NPAS3: variants seen among roughly 807,000 people sequenced by gnomAD.
The protein encoded by NPAS3 is neuronal PAS domain-containing protein 3.
A neutral mutation model predicts 73.1 loss-of-function variants in NPAS3; 14 were observed. The observed-to-expected ratio is 0.19, with a 90% CI of 0.13 to 0.30. The LOEUF (loss-of-function observed/expected upper bound fraction) is 0.30. Among genes scored for constraint, NPAS3 ranks in the 10% least tolerant of loss-of-function variants. The pLI is 1.00. For missense variants in NPAS3, 1,096 were observed against 1,250.0 expected, an observed-to-expected ratio of 0.88 and a Z score of 1.86; for synonymous variants, 620 against 541.5, an observed-to-expected ratio of 1.14 and a Z score of -2.01.
intron 3 of NPAS3, among the ~76,000 whole-genome samples, chr14:33,243,272 T>C (rs1050872145): frequency 5.9e-5 from 9 of 152,148 alleles, no homozygotes; most frequent in Non-Finnish European, 1.3e-4. Flanking sequence ...GAGAGAATAA[T>C]GCAAACTGGG....
chr14:33,607,416 A>G (rs1309686551), intron 5 of NPAS3, among the ~76,000 whole-genome samples: 1 of 152,214 alleles, frequency 6.6e-6, no homozygotes, highest in East Asian at 1.9e-4. Context: ...CCAAAAAAAA[A>G]AAAAGAGTGA....
At chr14:33,537,649 G>T (rs1028058033) in intron 4 of NPAS3, among the ~76,000 whole-genome samples, 1 of 152,160 alleles carries the variant, frequency 6.6e-6, no homozygotes, top group African/African-American at 2.4e-5. Context: ...AGGTAGTTGA[G>T]AAAAATAAGC....
At position 33,199,402 on chromosome 14, in the gene NPAS3, A is replaced by G. The variant is rs76988315; in HGVS notation, c.141-15780A>G. On this transcript the variant is annotated intron_variant, in intron 2 of 11. Coordinates refer to ENST00000356141, the Ensembl canonical transcript of NPAS3. ...TTTACAAAAATTTCCTCCTGTCCCT[A>G]TTGTATGGTTCTTCCATGTAGGCAG... is the stretch of plus-strand genomic sequence containing the variant. 1.8e-4 allele frequency among the ~76,000 whole-genome samples: 27 copies of G among 152,170 alleles called. No individual in the cohort carries two copies. The East Asian group carries it at 5.0e-3, about 28-fold the overall frequency.
At chr14:33,475,777 A>G (rs1225120643) in intron 4 of NPAS3, among the ~76,000 whole-genome samples, 1 of 152,096 alleles carries the variant, frequency 6.6e-6, no homozygotes, top group Non-Finnish European at 1.5e-5. Context: ...TGAATGGGAG[A>G]GAAAACAATG....
At chr14:33,533,311 G>T (rs920912294) in intron 4 of NPAS3, among the ~76,000 whole-genome samples, 3 of 152,038 alleles carry the variant, frequency 2.0e-5, no homozygotes, top group African/African-American at 7.2e-5. Flanking sequence ...TCAACAAGAA[G>T]ACAAACATGC....
At chr14:33,059,249 C>A (rs2041002444) in intron 2 of NPAS3, among the ~76,000 whole-genome samples, 2 of 152,114 alleles carry the variant, frequency 1.3e-5, no homozygotes, top group Non-Finnish European at 2.9e-5. Context: ...ACATTATTTT[C>A]TATGTTGCAT....
chr14:33,586,845 A>G (rs1278152460), intron 5 of NPAS3, among the ~76,000 whole-genome samples: 1 of 152,212 alleles, frequency 6.6e-6, no homozygotes. Flanking sequence ...ACCTGTACTT[A>G]AGTGGATATC....
chr14:33,687,785 G>A (rs941098648), intron 6 of NPAS3, among the ~76,000 whole-genome samples: 1 of 152,112 alleles, frequency 6.6e-6, no homozygotes, highest in African/African-American at 2.4e-5. Context: ...TATTATGAAT[G>A]CATGCGCCAG....
At chr14:33,750,097 G>GA (rs1365796566) in intron 7 of NPAS3, among the ~76,000 whole-genome samples, 1 of 151,734 alleles carries the variant, frequency 6.6e-6, no homozygotes, top group East Asian at 1.9e-4. Context: ...TTCCTGCTTA[G>GA]AAAAAAAATT....
intron 4 of NPAS3, among the ~76,000 whole-genome samples, chr14:33,417,443 G>A (rs1355145216): frequency 2.6e-5 from 4 of 152,140 alleles, no homozygotes; most frequent in Admixed American, 6.6e-5. Context: ...ACAGGGTGTC[G>A]TTATTGTGAA....
chr14:33,319,036 G>A (rs1409546398), intron 3 of NPAS3, among the ~76,000 whole-genome samples: 1 of 152,104 alleles, frequency 6.6e-6, no homozygotes, highest in Non-Finnish European at 1.5e-5. Context: ...TTTCCTGTTA[G>A]TCTTACCTGA....
chr14:33,402,414 T>G (rs968522095), intron 4 of NPAS3, among the ~76,000 whole-genome samples: 2 of 152,030 alleles, frequency 1.3e-5, no homozygotes, highest in Non-Finnish European at 2.9e-5. Flanking sequence ...ACTCTAGCCC[T>G]CCTTTCAGGA....
intron 4 of NPAS3, among the ~76,000 whole-genome samples, chr14:33,446,538 A>G (rs942556689): frequency 2.0e-5 from 3 of 152,214 alleles, no homozygotes; most frequent in African/African-American, 4.8e-5. Flanking sequence ...CATGTTCTTT[A>G]CTAGATAGTT....
intron 4 of NPAS3, among the ~76,000 whole-genome samples, chr14:33,426,105 T>C (rs2048543994): frequency 6.6e-6 from 1 of 152,044 alleles, no homozygotes; most frequent in South Asian, 2.1e-4. Flanking sequence ...CCACTGACTG[T>C]ATTTCAACAT....
downstream of NPAS3, chr14:33,803,324 A>G (rs1403849461): frequency 6.6e-6 from 1 of 152,266 alleles, no homozygotes; most frequent in Non-Finnish European, 1.5e-5. Flanking sequence ...ATGCTAATAT[A>G]GTAACTCGGC....
intron 5 of NPAS3, among the ~76,000 whole-genome samples, chr14:33,562,678 T>C (rs1255893308): frequency 6.6e-6 from 1 of 152,166 alleles, no homozygotes; most frequent in Non-Finnish European, 1.5e-5. Context: ...AAGAACATGA[T>C]ATATTTTTAA....
At chr14:33,124,483 G>A (rs1220504133) in intron 2 of NPAS3, among the ~76,000 whole-genome samples, 1 of 152,088 alleles carries the variant, frequency 6.6e-6, no homozygotes. Context: ...CTAAAGGGTT[G>A]TAAGGATTAA....
At chr14:33,308,527 T>TATATATATATATATATATACAC in intron 3 of NPAS3, among the ~76,000 whole-genome samples, 9 of 103,708 alleles carry the variant, frequency 8.7e-5, no homozygotes, top group South Asian at 2.6e-4. Flanking sequence ...TATATATATA[T>TATATATATATATATATATACAC]ACATACACAC....
intron 5 of NPAS3, among the ~76,000 whole-genome samples, chr14:33,607,545 G>T (rs1379134908): frequency 6.6e-6 from 1 of 152,164 alleles, no homozygotes; most frequent in South Asian, 2.1e-4. Flanking sequence ...TTAGAAAAAG[G>T]CATGAGGAAA....
Sources: gnomAD v4.1 joint callset for allele counts (sites outside exome capture counted in the v4.1 genomes callset) on GRCh38, gnomAD v4.1.1 for gene constraint, MANE v1.5 for transcripts, NCBI Gene and HGNC (gene_info 2026-07-23, HGNC 2026-07-21) for gene names.